The following UBE3D variants were observed in gnomAD, a reference collection of about 807,000 sequenced individuals.
The protein encoded by UBE3D is ubiquitin protein ligase E3D, also known as E3 ubiquitin-protein ligase E3D.
In UBE3D, 48 loss-of-function variants were observed where a neutral mutation model predicts 49.6. That is an observed-to-expected ratio of 0.97 (90% CI 0.77 to 1.23). The LOEUF (loss-of-function observed/expected upper bound fraction) is 1.23, where lower values mean the gene tolerates loss of function less well. Ranked by LOEUF, UBE3D falls within the 50% of genes most tolerant of loss-of-function variation. The pLI is 0.00. For synonymous variants in UBE3D, 189 were observed against 174.2 expected (o/e 1.08, Z -0.67); for missense variants, 452 against 468.4 (o/e 0.96, Z 0.32).
At chr6:82,895,072 G>T (rs1486738655) in intron 9 of UBE3D, among the ~76,000 whole-genome samples, 1 of 152,168 alleles carries the variant, frequency 6.6e-6, no homozygotes, top group South Asian at 2.1e-4. Context: ...AGCACTTTGC[G>T]AGGCCAAGGC....
At chr6:83,038,317 T>C (rs777038210) in intron 5 of UBE3D, 99 bp downstream of exon 5, 1 of 970,104 alleles carries the variant, frequency 1.0e-6, no homozygotes, top group Non-Finnish European at 1.6e-6. Flanking sequence ...CCACAACATA[T>C]ATTAATCATC....
At chr6:83,045,985 G>T (rs1024276021) in intron 3 of UBE3D, among the ~76,000 whole-genome samples, 2 of 152,102 alleles carry the variant, frequency 1.3e-5, no homozygotes, top group Non-Finnish European at 2.9e-5. Context: ...ATCTGAGTTA[G>T]TCTAATATTG....
chr6:83,051,713 G>A (rs16880443), intron 3 of UBE3D, among the ~76,000 whole-genome samples: 5,735 of 152,284 alleles, frequency 0.038, 180 homozygotes, highest in African/African-American at 0.084. Flanking sequence ...GCCTGTCACC[G>A]AGTACATGCA....
rs1190918274 is a variant in UBE3D at position 82,966,447 on chromosome 6, G to C, written c.1011-8997C>G. 1.1e-4 allele frequency among the ~76,000 whole-genome samples: 8 copies of C among 74,192 alleles called. 2 individuals carry two copies. Among genetic ancestry groups the C allele is most frequent in the African/African-American group, 5.9e-4 (8 of 13,454 alleles). The allele number at this position is 74,192 out of a possible 152,430, so 48.7% of individuals were successfully genotyped here. The stretch of plus-strand genomic sequence containing the variant: ...GGGCGGATCACGAGGTCAGGAGATC[G>C]AGACCATCCCGGCTAAAACGGTGAA... On this transcript the variant is annotated intron_variant, in intron 8 of 9. Transcript: ENST00000369747.
At chr6:83,064,997 A>G (rs573539838) in intron 1 of UBE3D, among the ~76,000 whole-genome samples, 1 of 152,338 alleles carries the variant, frequency 6.6e-6, no homozygotes, top group South Asian at 2.1e-4. Flanking sequence ...ACTGCTGTCA[A>G]ACAAAATAGA....
At chr6:82,917,834 T>C (rs966572171) in intron 9 of UBE3D, among the ~76,000 whole-genome samples, 2 of 152,184 alleles carry the variant, frequency 1.3e-5, no homozygotes, top group African/African-American at 4.8e-5. Flanking sequence ...CTCATTCTTT[T>C]TCTAGCGGCT....
chr6:82,991,060 G>A (rs1312636668), intron 8 of UBE3D, among the ~76,000 whole-genome samples: 1 of 152,152 alleles, frequency 6.6e-6, no homozygotes, highest in African/African-American at 2.4e-5. Flanking sequence ...ACTGGCAGGA[G>A]GCCTCAGTTC....
intron 8 of UBE3D, among the ~76,000 whole-genome samples, chr6:82,996,331 TAAA>T: frequency 9.0e-6 from 1 of 110,624 alleles, no homozygotes; most frequent in South Asian, 2.7e-4. Flanking sequence ...AATAAATAAA[TAAA>T]TAAATAAATA....
At chr6:82,976,546 T>C (rs1376491797) in intron 8 of UBE3D, among the ~76,000 whole-genome samples, 15 of 152,144 alleles carry the variant, frequency 9.9e-5, no homozygotes, top group Admixed American at 9.8e-4. Context: ...TTTACACTTG[T>C]ATTGCCTCTA....
intron 9 of UBE3D, among the ~76,000 whole-genome samples, chr6:82,919,363 G>A (rs1048896435): frequency 1.1e-4 from 17 of 151,804 alleles, no homozygotes; most frequent in African/African-American, 3.9e-4. Context: ...CAGCACTTTG[G>A]GAGGCTGAGG....
chr6:82,967,315 C>T (rs946973948), intron 8 of UBE3D, among the ~76,000 whole-genome samples: 3 of 152,154 alleles, frequency 2.0e-5, no homozygotes, highest in African/African-American at 7.2e-5. Context: ...AACATGCATT[C>T]ATTTGTGTGT....
At chr6:83,036,370 T>C (rs1395936343) in intron 5 of UBE3D, 1 of 152,174 alleles carries the variant, frequency 6.6e-6, no homozygotes, top group Non-Finnish European at 1.5e-5. Context: ...ATTTCTGGCC[T>C]AATTCTTTAC....
At chr6:82,951,454 A>C (rs1202979380) in intron 9 of UBE3D, among the ~76,000 whole-genome samples, 1 of 152,176 alleles carries the variant, frequency 6.6e-6, no homozygotes, top group East Asian at 1.9e-4. Context: ...GGTTTCCTCC[A>C]CTCAGGGACC....
intron 4 of UBE3D, 92 bp from the exon 5 acceptor site, chr6:83,038,577 C>T: frequency 1.8e-6 from 2 of 1,128,076 alleles, no homozygotes. Context: ...ATACATTGAA[C>T]TTTACATTTT....
At position 82,927,887 on chromosome 6, in the gene UBE3D, G is replaced by T. The variant is rs529234508; in HGVS notation, c.1149+29425C>A. On this transcript the variant is annotated intron_variant, in intron 9 of 9. Transcript: ENST00000369747. ...AAGATCAGTCGGTGCCAGTAGTTGT[G>T]GGGGGAGGAAGGCATGAACAGGTAG... Among the ~76,000 whole-genome samples, 33 of 151,910 alleles carry T rather than the reference G, an allele frequency of 2.2e-4. 1 individual carries two copies. The highest frequency in any genetic ancestry group is 1.8e-3 in the Admixed American group (27 of 15,250).
chr6:82,942,041 T>G (rs1267066909), intron 9 of UBE3D, among the ~76,000 whole-genome samples: 1 of 152,090 alleles, frequency 6.6e-6, no homozygotes, highest in Non-Finnish European at 1.5e-5. Flanking sequence ...TTGGAACAGT[T>G]TGGAGGGCTC....
chr6:83,042,883 C>T (rs989663868), intron 4 of UBE3D, among the ~76,000 whole-genome samples: 12 of 152,240 alleles, frequency 7.9e-5, no homozygotes, highest in Middle Eastern at 3.4e-3. Flanking sequence ...GCGCTGTTTA[C>T]GCAGTCCCTC....
chr6:83,016,145 T>C (rs1780682145), intron 8 of UBE3D, among the ~76,000 whole-genome samples: 1 of 152,218 alleles, frequency 6.6e-6, no homozygotes, highest in African/African-American at 2.4e-5. Flanking sequence ...GGAGATAAGA[T>C]TCTCACTCAA....
intron 5 of UBE3D, among the ~76,000 whole-genome samples, chr6:83,024,620 G>C (rs1781324310): frequency 6.6e-6 from 1 of 152,116 alleles, no homozygotes; most frequent in Admixed American, 6.5e-5. Flanking sequence ...CCGTGAGATG[G>C]ACCTGAGTTA....
Sources: allele counts gnomAD v4.1 joint callset (sites outside exome capture counted in the v4.1 genomes callset), GRCh38; gene constraint gnomAD v4.1.1; transcripts MANE v1.5; gene names NCBI Gene and HGNC (gene_info 2026-07-23, HGNC 2026-07-21).